SND1: variants seen among roughly 807,000 people sequenced by gnomAD.
SND1 encodes the protein staphylococcal nuclease domain-containing protein 1.
In SND1, 38 loss-of-function variants were observed where a neutral mutation model predicts 121.7. The ratio of observed to expected loss-of-function variants is 0.31; its 90% CI spans 0.24 to 0.41. SND1 has a LOEUF of 0.41. SND1 is among the 10% of genes least tolerant of loss of function. The probability of loss-of-function intolerance (pLI) is 1.00; values close to 1 mark genes in which losing one functional copy is unlikely to be tolerated. For synonymous variants in SND1, 401 were observed against 447.4 expected (o/e 0.90, Z 1.31); for missense variants, 868 against 1,184.6 (o/e 0.73, Z 3.92).
chr7:127,751,279 G>C (rs1303753367), intron 10 of SND1, among the ~76,000 whole-genome samples: 1 of 152,152 alleles, frequency 6.6e-6, no homozygotes, highest in Non-Finnish European at 1.5e-5. Context: ...TCTTAGCATT[G>C]CTAGGGGGCT....
At chr7:127,833,961 TGTAA>T (rs1465070528) in intron 11 of SND1, among the ~76,000 whole-genome samples, 3 of 151,058 alleles carry the variant, frequency 2.0e-5, no homozygotes, top group Non-Finnish European at 2.9e-5. Context: ...TATTCTTTTT[TGTAA>T]GTAAGTTTTT....
intron 15 of SND1, among the ~76,000 whole-genome samples, chr7:127,987,702 T>C (rs1308183515): frequency 6.6e-6 from 1 of 152,230 alleles, no homozygotes; most frequent in Non-Finnish European, 1.5e-5. Context: ...CCAGTGTTTT[T>C]CAAACTGGGT....
intron 11 of SND1, among the ~76,000 whole-genome samples, chr7:127,810,484 T>G (rs934932746): frequency 5.9e-5 from 9 of 152,208 alleles, no homozygotes; most frequent in African/African-American, 2.2e-4. Context: ...CAGCAAAGAG[T>G]TTTGTGTTAA....
At chr7:127,916,358 G>C (rs1042873109) in intron 14 of SND1, among the ~76,000 whole-genome samples, 9 of 152,174 alleles carry the variant, frequency 5.9e-5, no homozygotes, top group Admixed American at 4.6e-4. Flanking sequence ...ACAAATATCT[G>C]GTTGATGGTG....
intron 16 of SND1, among the ~76,000 whole-genome samples, chr7:128,041,041 C>A (rs1286807661): frequency 6.6e-6 from 1 of 152,070 alleles, no homozygotes; most frequent in Non-Finnish European, 1.5e-5. Flanking sequence ...ATTAAGGGAC[C>A]CATGATGGAA....
At chr7:128,048,699 T>C (rs990537800) in intron 16 of SND1, among the ~76,000 whole-genome samples, 1 of 151,966 alleles carries the variant, frequency 6.6e-6, no homozygotes, top group African/African-American at 2.4e-5. Flanking sequence ...AGTTTTTGTT[T>C]TGGAGGGCGA....
At position 128,029,960 on chromosome 7, in the gene SND1, C is replaced by A. The variant is rs1467131610; in HGVS notation, c.1779+38904C>A. 1 of 1,613,138 alleles carries A rather than the reference C, an allele frequency of 6.2e-7. No individual in the cohort carries two copies. Among genetic ancestry groups the A allele is most frequent in the East Asian group, 2.2e-5 (1 of 44,882 alleles). ...CAGGCCTGATCTCAGGGAAGTGGTT[C>A]CCTGACATCTCCAGCTCCTCCAGCC... On this transcript the variant is annotated intron_variant, in intron 16 of 23. Coordinates refer to ENST00000354725, the MANE Select transcript of SND1 (RefSeq NM_014390.4). This position sits in a 1 kb window ranked among gnomAD's most constrained non-coding sequence, Gnocchi z 4.2.
At chr7:127,997,173 TATACTA>T (rs1316192303) in intron 16 of SND1, among the ~76,000 whole-genome samples, 1 of 152,250 alleles carries the variant, frequency 6.6e-6, no homozygotes, top group Non-Finnish European at 1.5e-5. Flanking sequence ...TGGTAAGACA[TATACTA>T]AAACTCAAAT....
chr7:127,912,800 GA>G (rs1379432883), intron 14 of SND1, among the ~76,000 whole-genome samples: 5 of 152,258 alleles, frequency 3.3e-5, no homozygotes, highest in Middle Eastern at 3.4e-3. Flanking sequence ...AAGGATTATA[GA>G]ATTATATGCT....
intron 15 of SND1, among the ~76,000 whole-genome samples, chr7:127,929,867 C>G (rs1196019063): frequency 6.6e-6 from 1 of 152,170 alleles, no homozygotes; most frequent in Non-Finnish European, 1.5e-5. Context: ...TCTTGTTGTG[C>G]TAAGGTTGAC....
At chr7:127,738,755 A>G (rs2116428859) in intron 10 of SND1, among the ~76,000 whole-genome samples, 1 of 152,256 alleles carries the variant, frequency 6.6e-6, no homozygotes, top group African/African-American at 2.4e-5. Flanking sequence ...CAGGGAACCT[A>G]GGAGACCAGG....
chr7:127,948,131 A>G (rs543768477), intron 15 of SND1, among the ~76,000 whole-genome samples: 2 of 152,318 alleles, frequency 1.3e-5, no homozygotes, highest in South Asian at 4.1e-4. Flanking sequence ...TTTAGTGAAT[A>G]AGAAATTGGA....
intron 16 of SND1, among the ~76,000 whole-genome samples, chr7:128,032,944 A>G (rs1792674735): frequency 6.6e-6 from 1 of 152,210 alleles, no homozygotes; most frequent in Admixed American, 6.5e-5. Flanking sequence ...AGAGGCCGGC[A>G]GGAAGGATTG....
intron 12 of SND1, among the ~76,000 whole-genome samples, chr7:127,855,116 A>G (rs994272448): frequency 6.6e-6 from 1 of 151,808 alleles, no homozygotes; most frequent in African/African-American, 2.4e-5. Context: ...GTTGATATTA[A>G]GATTCTATGG....
intron 10 of SND1, among the ~76,000 whole-genome samples, chr7:127,739,478 T>C (rs1051843336): frequency 3.3e-5 from 5 of 152,216 alleles, no homozygotes; most frequent in African/African-American, 1.2e-4. Flanking sequence ...TCTTTGGTGA[T>C]AATCTTCTGC....
In SND1 at chr7:127,999,611, C is replaced by T. The variant is rs193226133; in HGVS notation, c.1779+8555C>T. 9.2e-5 allele frequency: 14 copies of T among 152,270 alleles called. No individual in the cohort carries two copies. In the East Asian group the frequency reaches 2.7e-3, roughly 29 times the overall value. The allele number at this position is 152,270 out of a possible 1,614,324, so 9.4% of individuals were successfully genotyped here. On this transcript the variant is annotated intron_variant, in intron 16 of 23. Coordinates refer to ENST00000354725, the MANE Select transcript of SND1 (RefSeq NM_014390.4). ...CTGCTAGAAGGGTCCACAGTACTTA[C>T]TTTATGCCTCATCTCAATTGAAGCT...
Position 127,704,895 on chromosome 7 carries a change from G to A in SND1, c.897G>A (p.Trp299Ter). The A allele has an allele frequency of 6.2e-7, 1 of 1,614,096 alleles. No individual in the cohort carries two copies. Among genetic ancestry groups the A allele is most frequent in the Non-Finnish European group, 8.5e-7 (1 of 1,179,978 alleles). ...LKEGFARCVD[W>*]SIAVYTRGAE... ...AAGGTTTCGCACGCTGTGTGGACTG[G>A]TCGATTGCAGTTTACACCCGGGGCG... The change falls in exon 8 of 24, where the codon TGG becomes TGA. Residue 299 changes from tryptophan to a stop codon, truncating the protein, a stop_gained. Coordinates refer to ENST00000354725, the MANE Select transcript of SND1 (RefSeq NM_014390.4). LOFTEE classifies it high-confidence loss of function.
At chr7:127,916,077 G>T (rs947184947) in intron 14 of SND1, among the ~76,000 whole-genome samples, 2 of 151,400 alleles carry the variant, frequency 1.3e-5, no homozygotes, top group African/African-American at 2.4e-5. Context: ...GAGAGAGAGA[G>T]TTAGCTAGGT....
At chr7:127,923,304 T>C (rs1800758237) in intron 14 of SND1, among the ~76,000 whole-genome samples, 1 of 152,176 alleles carries the variant, frequency 6.6e-6, no homozygotes, top group Admixed American at 6.5e-5. Context: ...AGCACCTTTT[T>C]TTTCTGTTGT....
Sources: gnomAD v4.1 joint callset for allele counts (sites outside exome capture counted in the v4.1 genomes callset) on GRCh38, gnomAD v4.1.1 for gene constraint, Gnocchi (gnomAD v3.1) non-coding constraint, MANE v1.5 for transcripts, NCBI Gene and HGNC (gene_info 2026-07-23, HGNC 2026-07-21) for gene names.